Variants in KCNK2 observed in about 807,000 individuals in gnomAD.
KCNK2 encodes potassium two pore domain channel subfamily K member 2.
A neutral mutation model predicts 40.5 loss-of-function variants in KCNK2; 21 were observed. The ratio of observed to expected loss-of-function variants is 0.52; its 90% confidence interval spans 0.37 to 0.75. The LOEUF (loss-of-function observed/expected upper bound fraction) is 0.75. KCNK2 is among the 30% of genes least tolerant of loss of function. The probability of loss-of-function intolerance (pLI) is 0.00; values close to 1 mark genes in which losing one functional copy is unlikely to be tolerated. For missense variants in KCNK2, 399 were observed against 531.6 expected (o/e 0.75, Z 2.45); for synonymous variants, 191 against 202.2 (o/e 0.94, Z 0.47).
intron 2 of KCNK2, among the ~76,000 whole-genome samples, chr1:215,105,808 A>G (rs1163631657): frequency 6.6e-6 from 1 of 151,784 alleles, no homozygotes; most frequent in Non-Finnish European, 1.5e-5. Context: ...GTGCATACTC[A>G]ATGTTTAGTT....
Position 215,086,534 on chromosome 1 carries a change from C to T in KCNK2, c.213C>T (p.Leu71=). 1 of 1,614,194 alleles carries T rather than the reference C, an allele frequency of 6.2e-7. No homozygotes were observed. Among genetic ancestry groups the T allele is most frequent in the East Asian group, 2.2e-5 (1 of 44,872 alleles). Reference sequence around the variant, plus strand: ...CCACGATATTCCTGGTGGTTGTCCTCTATCTGATCATCGGAGCCACCGTGT... The same window carrying T: ...CCACGATATTCCTGGTGGTTGTCCTTTATCTGATCATCGGAGCCACCGTGT... The part of the protein sequence containing the change: ...TVSTIFLVVV[L]YLIIGATVFK... Residue 71 remains leucine, a synonymous_variant, in exon 2 of 7, where the codon CTC becomes CTT. Coordinates refer to ENST00000444842, the MANE Select transcript of KCNK2 (RefSeq NM_001017425.3).
chr1:215,125,938 G>C (rs1437119511), intron 3 of KCNK2, among the ~76,000 whole-genome samples: 1 of 151,750 alleles, frequency 6.6e-6, no homozygotes, highest in African/African-American at 2.4e-5. Context: ...GGAATTTCAG[G>C]TGTGAGAAAA....
rs185297747 is a variant in KCNK2, at chr1:215,064,015, C to T, written c.35-22353C>T. Among the ~76,000 whole-genome samples, 70 of 152,208 alleles carry T rather than the reference C, an allele frequency of 4.6e-4. No individual in the cohort carries two copies. The Middle Eastern group carries it at 0.01, about 22-fold the overall frequency. On this transcript the variant is annotated intron_variant, in intron 1 of 6. Coordinates refer to the KCNK2 transcript ENST00000391895. Reference sequence around the variant, plus strand: ...TGAAATCGCTTGAGTAGAGTTTAAACGTAGGAAAAGTACTGTGATGTGTGT... The same window carrying T: ...TGAAATCGCTTGAGTAGAGTTTAAATGTAGGAAAAGTACTGTGATGTGTGT...
intron 5 of KCNK2, among the ~76,000 whole-genome samples, chr1:215,186,747 T>C (rs1386243647): frequency 6.6e-6 from 1 of 152,182 alleles, no homozygotes; most frequent in Non-Finnish European, 1.5e-5. Flanking sequence ...CCTTAGTGAT[T>C]GGTATCTGCT....
chr1:215,041,389 G>A (rs1326245169), intron 1 of KCNK2, among the ~76,000 whole-genome samples: 1 of 152,162 alleles, frequency 6.6e-6, no homozygotes, highest in Non-Finnish European at 1.5e-5. Context: ...GTTAGCTGGT[G>A]AGAGGAGCTC....
At chr1:215,032,162 C>T (rs137909364) in intron 1 of KCNK2, among the ~76,000 whole-genome samples, 7,118 of 149,198 alleles carry the variant, frequency 0.048, 528 homozygotes, top group African/African-American at 0.17. Flanking sequence ...AATCCCAGCA[C>T]ATTGGGAGGC....
At chr1:215,068,484 C>A (rs1238405239) in intron 1 of KCNK2, among the ~76,000 whole-genome samples, 1 of 152,178 alleles carries the variant, frequency 6.6e-6, no homozygotes, top group Non-Finnish European at 1.5e-5. Flanking sequence ...AAACACTAAA[C>A]ACTAAACAAG....
upstream of KCNK2, among the ~76,000 whole-genome samples, chr1:215,078,636 G>A (rs564091496): frequency 2.0e-5 from 3 of 152,236 alleles, no homozygotes; most frequent in South Asian, 6.2e-4. Context: ...CCCTTGACAT[G>A]TGGGAATTAT....
chr1:215,223,985 G>A (rs959851892), intron 6 of KCNK2, among the ~76,000 whole-genome samples: 3 of 152,130 alleles, frequency 2.0e-5, no homozygotes, highest in Non-Finnish European at 2.9e-5. Context: ...GGCTCTGAAA[G>A]TCAAAGTGAA....
intron 5 of KCNK2, among the ~76,000 whole-genome samples, chr1:215,172,506 G>A (rs1663760000): frequency 6.6e-6 from 1 of 151,978 alleles, no homozygotes; most frequent in South Asian, 2.1e-4. Flanking sequence ...TTCAACACAT[G>A]TTTTTCTTCT....
At chr1:215,148,992 A>G (rs370178111) in intron 3 of KCNK2, among the ~76,000 whole-genome samples, 7 of 152,310 alleles carry the variant, frequency 4.6e-5, no homozygotes, top group South Asian at 2.1e-4. Context: ...GAGCAATGGT[A>G]CACCGGGGAG....
At chr1:215,189,393 G>A (rs1031235086) in intron 5 of KCNK2, among the ~76,000 whole-genome samples, 19 of 152,084 alleles carry the variant, frequency 1.2e-4, no homozygotes, top group African/African-American at 4.3e-4. Flanking sequence ...GAGATTTAAA[G>A]ACAATTTCTA....
rs1006819977 is a variant in KCNK2, at chr1:215,007,608, G to A, written c.34+1653G>A. Among the ~76,000 whole-genome samples the A allele has an allele frequency of 3.6e-4, 54 of 151,952 alleles. 1 individual carries two copies. Among genetic ancestry groups the A allele is most frequent in the Non-Finnish European group, 1.5e-4 (10 of 67,986 alleles). ...TTCTCATATCACTTAGTATAGACATGTGCTAAACTGAACACATGTCCTTCT... is the reference window on the plus strand; with the variant it reads ...TTCTCATATCACTTAGTATAGACATATGCTAAACTGAACACATGTCCTTCT... On this transcript the variant is annotated intron_variant, in intron 1 of 6. Coordinates refer to the KCNK2 transcript ENST00000391895.
chr1:215,137,816 G>T (rs4655276), intron 3 of KCNK2, among the ~76,000 whole-genome samples: 83,946 of 152,000 alleles, frequency 0.55, 25,684 homozygotes, highest in Non-Finnish European at 0.68. Flanking sequence ...TTTTAAATAA[G>T]CTGCTGTATT....
At chr1:215,012,077 G>A (rs767981537) in intron 1 of KCNK2, among the ~76,000 whole-genome samples, 6 of 152,176 alleles carry the variant, frequency 3.9e-5, no homozygotes, top group Non-Finnish European at 7.3e-5. Flanking sequence ...GCTGTTGCCA[G>A]TTTTTGATGA....
chr1:215,168,423 A>G (rs961498710), intron 3 of KCNK2, among the ~76,000 whole-genome samples: 1 of 152,198 alleles, frequency 6.6e-6, no homozygotes, highest in South Asian at 2.1e-4. Flanking sequence ...TTGCAGCGCT[A>G]TTTACAATAT....
intron 6 of KCNK2, among the ~76,000 whole-genome samples, chr1:215,203,089 C>T (rs1185702663): frequency 3.3e-5 from 5 of 152,038 alleles, no homozygotes; most frequent in African/African-American, 1.2e-4. Flanking sequence ...CATCAGAAAC[C>T]TGTGCCCAAG....
chr1:215,086,902 T>G (rs551117355), intron 2 of KCNK2, among the ~76,000 whole-genome samples: 1 of 152,336 alleles, frequency 6.6e-6, no homozygotes, highest in East Asian at 1.9e-4. Flanking sequence ...CTCTTTTAGT[T>G]CTCTCTCCCA....
chr1:215,078,208 A>G (rs947518362), upstream of KCNK2, among the ~76,000 whole-genome samples: 5 of 152,234 alleles, frequency 3.3e-5, no homozygotes, highest in African/African-American at 1.2e-4. Flanking sequence ...GGCTGCATGT[A>G]GCCTGCAGGC....
Sources: allele counts gnomAD v4.1 joint callset (sites outside exome capture counted in the v4.1 genomes callset), GRCh38; gene constraint gnomAD v4.1.1; transcripts MANE v1.5; gene names NCBI Gene and HGNC (gene_info 2026-07-23, HGNC 2026-07-21).